Variants in FGF12 observed in about 807,000 individuals in gnomAD.
FGF12 encodes the protein fibroblast growth factor 12.
In FGF12, 14 loss-of-function variants were observed where a neutral mutation model predicts 23.6. The ratio of observed to expected loss-of-function variants is 0.59; its 90% CI spans 0.39 to 0.93. The LOEUF is 0.93. Among genes scored for constraint, FGF12 ranks in the 40% least tolerant of loss-of-function variants. FGF12 has a pLI of 0.00. For synonymous variants in FGF12, 62 were observed against 77.3 expected (o/e 0.80, Z 1.04); for missense variants, 175 against 217.8 (o/e 0.80, Z 1.24).
rs1560175736 is a variant in FGF12, at chr3:192,167,766, TA to T, written c.427+2691del. On this transcript the variant is annotated intron_variant, in intron 5 of 5. Coordinates refer to ENST00000445105, the MANE Select transcript of FGF12 (RefSeq NM_004113.6). ...ATATATATATATATATATATATATATATAAAATTTTTTTTTTTTTTTTTTTT... is the reference window on the plus strand; with the variant it reads ...ATATATATATATATATATATATATATTAAAATTTTTTTTTTTTTTTTTTTT... 1.7e-3 allele frequency among the ~76,000 whole-genome samples: 53 copies of T among 31,240 alleles called. 3 individuals carry two copies. The highest frequency in any genetic ancestry group is 0.011 in the South Asian group (7 of 630). 20.5% of individuals were successfully genotyped at this position (31,240 alleles called of 152,430 possible).
rs892814245 is a variant in FGF12, at chr3:192,140,818, A to G, written c.*3191T>C. On this transcript the variant is annotated 3_prime_UTR_variant, in exon 6 of 6. Transcript: ENST00000445105. ...AAATTTCAAAGCCAAAACGATTACT[A>G]TGAGAATAGGATGGCTTGCTGCCCT... The G allele has an allele frequency of 6.6e-6, 1 of 151,956 alleles. No homozygotes were observed. The highest frequency in any genetic ancestry group is 1.5e-5 in the Non-Finnish European group (1 of 67,862). The allele number at this position is 151,956 out of a possible 1,614,324, so 9.4% of individuals were successfully genotyped here.
At chr3:192,572,375 G>A (rs968196845) in intron 2 of FGF12, among the ~76,000 whole-genome samples, 7 of 152,112 alleles carry the variant, frequency 4.6e-5, no homozygotes, top group Non-Finnish European at 8.8e-5. Context: ...CATGCACAGC[G>A]TCAAGCTCCA....
chr3:192,369,785 G>A (rs2366658), intron 2 of FGF12, among the ~76,000 whole-genome samples: 25,210 of 152,132 alleles, frequency 0.17, 2,537 homozygotes, highest in African/African-American at 0.28. Context: ...AGGCACCCAC[G>A]GCCTGATCAA....
chr3:192,512,835 A>AATAAATAAATAAATAAATATATATATAT lies in FGF12; in HGVS notation c.14-152298_14-152297insATATATATATATTTATTTATTTATTTAT, dbSNP rs35779279. ...GTTAAACCTAGAGTATACTCAAATAAATATATATATATATATATATATATA... is the reference window on the plus strand; with the variant it reads ...GTTAAACCTAGAGTATACTCAAATAAATAAATAAATAAATAAATATATATATATATATATATATATATATATATATATA... On this transcript the variant is annotated intron_variant, in intron 2 of 5. Coordinates refer to ENST00000445105, the MANE Select transcript of FGF12 (RefSeq NM_004113.6). 7.8e-4 allele frequency among the ~76,000 whole-genome samples: 60 copies of AATAAATAAATAAATAAATATATATATAT among 76,756 alleles called. 1 individual carries two copies. The highest frequency in any genetic ancestry group is 3.0e-3 in the African/African-American group (47 of 15,682). The allele number at this position is 76,756 out of a possible 152,430, so 50.4% of individuals were successfully genotyped here.
At chr3:192,359,536 G>A (rs1450938370) in intron 3 of FGF12, among the ~76,000 whole-genome samples, 2 of 152,060 alleles carry the variant, frequency 1.3e-5, no homozygotes, top group East Asian at 1.9e-4. Flanking sequence ...AAACAATATG[G>A]CACCATACAT....
chr3:192,621,690 C>CAAAAAAAAAAAAAA (rs5855441), intron 2 of FGF12, among the ~76,000 whole-genome samples: 8 of 94,346 alleles, frequency 8.5e-5, no homozygotes, highest in Non-Finnish European at 1.2e-4. Flanking sequence ...GATACAAATA[C>CAAAAAAAAAAAAAA]AAAAAAAAAA....
intron 2 of FGF12, among the ~76,000 whole-genome samples, chr3:192,694,304 T>C (rs967032502): frequency 1.3e-5 from 2 of 152,094 alleles, no homozygotes; most frequent in Non-Finnish European, 2.9e-5. Context: ...GGAATGTAAA[T>C]TGGTGTAGCT....
chr3:192,191,488 G>A (rs927383287), intron 4 of FGF12, among the ~76,000 whole-genome samples: 2 of 152,056 alleles, frequency 1.3e-5, no homozygotes, highest in African/African-American at 4.8e-5. Context: ...GGAGTATATG[G>A]GATATCTTTG....
chr3:192,227,738 G>C (rs997067397), intron 4 of FGF12, among the ~76,000 whole-genome samples: 1 of 152,038 alleles, frequency 6.6e-6, no homozygotes, highest in Non-Finnish European at 1.5e-5. Flanking sequence ...AACCATCATT[G>C]ACAAACGCAG....
chr3:192,700,604 T>C (rs191796805), intron 2 of FGF12, among the ~76,000 whole-genome samples: 84 of 152,322 alleles, frequency 5.5e-4, no homozygotes, highest in African/African-American at 1.9e-3. Flanking sequence ...AGAGTCAAAC[T>C]TCCTTGAAAT....
intron 2 of FGF12, among the ~76,000 whole-genome samples, chr3:192,725,538 T>C (rs78573215): frequency 0.072 from 10,952 of 152,250 alleles, 746 homozygotes; most frequent in East Asian, 0.19. Context: ...CCACCTGGAA[T>C]GCTAAGTGAC....
At chr3:192,358,492 G>T (rs1476327864) in intron 3 of FGF12, among the ~76,000 whole-genome samples, 3 of 152,106 alleles carry the variant, frequency 2.0e-5, no homozygotes, top group African/African-American at 7.2e-5. Context: ...GTGTGTGTAT[G>T]TGGGTTTGTG....
intron 2 of FGF12, among the ~76,000 whole-genome samples, chr3:192,677,335 C>T (rs1186628447): frequency 2.0e-5 from 3 of 152,160 alleles, no homozygotes; most frequent in Non-Finnish European, 2.9e-5. Flanking sequence ...TCCCCCTATT[C>T]CTGATCTCAC....
At chr3:192,284,300 C>T (rs1714320864) in intron 4 of FGF12, among the ~76,000 whole-genome samples, 1 of 152,086 alleles carries the variant, frequency 6.6e-6, no homozygotes, top group South Asian at 2.1e-4. Flanking sequence ...GGGCACCCTG[C>T]CCATTGTGGA....
Position 192,636,359 on chromosome 3 carries a change from C to T in FGF12, c.13+90822G>A, listed in dbSNP as rs558818877. Among the ~76,000 whole-genome samples the T allele has an allele frequency of 6.6e-5, 10 of 152,284 alleles. No homozygotes were observed. The South Asian group carries it at 2.1e-3, about 32-fold the overall frequency. On this transcript the variant is annotated intron_variant, in intron 2 of 5. Coordinates refer to ENST00000445105, the MANE Select transcript of FGF12 (RefSeq NM_004113.6). ...GTTCCACATTTTGAGGGTTCAAATG[C>T]CACATGTGGCCACTATATTAGACAG...
At chr3:192,272,959 C>T (rs926405254) in intron 4 of FGF12, among the ~76,000 whole-genome samples, 1 of 152,124 alleles carries the variant, frequency 6.6e-6, no homozygotes, top group African/African-American at 2.4e-5. Context: ...TTTCAAACTT[C>T]GATAGATGAG....
Position 192,673,034 on chromosome 3 carries a change from T to G in FGF12, c.13+54147A>C, listed in dbSNP as rs919113749. 3.3e-4 allele frequency: 50 copies of G among 150,802 alleles called. 2 individuals are homozygous for G. Among genetic ancestry groups the G allele is most frequent in the Non-Finnish European group, 1.5e-5 (1 of 67,396 alleles). The allele number at this position is 150,802 out of a possible 1,614,324, so 9.3% of individuals were successfully genotyped here. On this transcript the variant is annotated intron_variant, in intron 2 of 5. Transcript: ENST00000445105. ...AAGTTGGAGGCTTTTAGTGATTGAG[T>G]GATCACTTCAAGTTGAAGACTCTCC... is the stretch of plus-strand genomic sequence containing the variant.
intron 2 of FGF12, chr3:192,407,959 G>A: frequency 6.7e-7 from 1 of 1,486,838 alleles, no homozygotes; most frequent in Non-Finnish European, 9.0e-7. Flanking sequence ...GGGGTCCCGA[G>A]GTGCTTTGAG....
intron 2 of FGF12, among the ~76,000 whole-genome samples, chr3:192,668,731 G>A (rs1008463682): frequency 1.3e-5 from 2 of 152,058 alleles, no homozygotes; most frequent in African/African-American, 2.4e-5. Flanking sequence ...CACTACTAGA[G>A]AGCAATCTCC....
Sources: allele counts gnomAD v4.1 joint callset (sites outside exome capture counted in the v4.1 genomes callset), GRCh38; gene constraint gnomAD v4.1.1; transcripts MANE v1.5; gene names NCBI Gene and HGNC (gene_info 2026-07-23, HGNC 2026-07-21).